WDR49: variants seen among roughly 807,000 people sequenced by gnomAD.
WDR49 encodes the protein cilia- and flagella-associated protein 337.
A neutral mutation model predicts 119.5 loss-of-function variants in WDR49; 107 were observed. The ratio of observed to expected loss-of-function variants is 0.90; its 90% CI spans 0.77 to 1.05. The LOEUF is 1.05. Among genes scored for constraint, WDR49 ranks in the 50% least tolerant of loss-of-function variants. The probability of loss-of-function intolerance (pLI) is 0.00; values close to 1 mark genes in which losing one functional copy is unlikely to be tolerated. For synonymous variants in WDR49, 425 were observed against 418.8 expected, an observed-to-expected ratio of 1.01 and a Z score of -0.18; for missense variants, 1,240 against 1,220.5, an observed-to-expected ratio of 1.02 and a Z score of -0.24.
At chr3:167,549,703 T>C (rs1712432693) in intron 10 of WDR49, among the ~76,000 whole-genome samples, 1 of 152,118 alleles carries the variant, frequency 6.6e-6, no homozygotes, top group African/African-American at 2.4e-5. Context: ...TTTAATTAGA[T>C]CCCATTTGTC....
intron 18 of WDR49, among the ~76,000 whole-genome samples, chr3:167,493,673 T>C (rs569614910): frequency 1.3e-5 from 2 of 152,322 alleles, no homozygotes; most frequent in Non-Finnish European, 2.9e-5. Context: ...TTTTCTATAA[T>C]ACGCATGTAT....
chr3:167,619,004 T>G (rs533488057), intron 5 of WDR49, among the ~76,000 whole-genome samples: 2 of 152,170 alleles, frequency 1.3e-5, no homozygotes, highest in East Asian at 1.9e-4. Context: ...AATATATAGA[T>G]ATAATGCATC....
chr3:167,484,530 G>T (rs1750849814), intron 18 of WDR49, among the ~76,000 whole-genome samples: 1 of 151,890 alleles, frequency 6.6e-6, no homozygotes, highest in Admixed American at 6.6e-5. Context: ...TTTTCTTCTT[G>T]AGTTAGTGCT....
intron 16 of WDR49, among the ~76,000 whole-genome samples, chr3:167,508,887 A>C (rs572038161): frequency 8.5e-5 from 13 of 152,190 alleles, no homozygotes; most frequent in Non-Finnish European, 1.8e-4. Context: ...ATAGCTATTT[A>C]TCTATTTTCT....
At chr3:167,545,501 A>ATTTT (rs1441792111) in intron 10 of WDR49, among the ~76,000 whole-genome samples, 3 of 129,462 alleles carry the variant, frequency 2.3e-5, no homozygotes, top group African/African-American at 8.5e-5. Context: ...TATATTATAT[A>ATTTT]TTATATATTA....
chr3:167,521,321 G>A (rs1400764959), intron 16 of WDR49, among the ~76,000 whole-genome samples: 1 of 152,090 alleles, frequency 6.6e-6, no homozygotes, highest in Non-Finnish European at 1.5e-5. Context: ...TCCCTCAGTG[G>A]GGTCATCAAA....
At chr3:167,574,152 C>G (rs769235890) in intron 8 of WDR49, among the ~76,000 whole-genome samples, 1 of 152,182 alleles carries the variant, frequency 6.6e-6, no homozygotes, top group Non-Finnish European at 1.5e-5. Flanking sequence ...GAGCACCTGT[C>G]CAACAATCAT....
At chr3:167,656,510 A>G (rs576324719), upstream of WDR49, among the ~76,000 whole-genome samples, 2 of 152,320 alleles carry the variant, frequency 1.3e-5, no homozygotes, top group South Asian at 4.1e-4. Context: ...AAAATTCTCT[A>G]ATTATTCTAA....
In WDR49 at chr3:167,512,017, C is replaced by G. The variant is rs76069071; in HGVS notation, c.2775-6601G>C. 7.2e-3 allele frequency among the ~76,000 whole-genome samples: 1,096 copies of G among 152,270 alleles called. 36 individuals carry two copies. Among genetic ancestry groups the G allele is most frequent in the East Asian group, 0.067 (345 of 5,178 alleles). On this transcript the variant is annotated intron_variant, in intron 16 of 18. Coordinates refer to ENST00000682715, the MANE Select transcript of WDR49 (RefSeq NM_001366157.1). ...ATGGTCTCTGGTTCAGTAGACTTAGCCTTTCCTTCTGCTGGCTCTGAGGAA... is the reference window on the plus strand; with the variant it reads ...ATGGTCTCTGGTTCAGTAGACTTAGGCTTTCCTTCTGCTGGCTCTGAGGAA...
At chr3:167,619,339 C>T (rs2108320262) in intron 5 of WDR49, among the ~76,000 whole-genome samples, 1 of 152,140 alleles carries the variant, frequency 6.6e-6, no homozygotes, top group African/African-American at 2.4e-5. Context: ...GTTATGAAAA[C>T]TTAACACATA....
intron 11 of WDR49, among the ~76,000 whole-genome samples, 166 bp downstream of exon 11, chr3:167,536,704 T>C (rs868039029): frequency 4.3e-3 from 270 of 62,466 alleles, no homozygotes; most frequent in African/African-American, 0.012. Context: ...TATATATATA[T>C]ACACACACAT....
In WDR49 at chr3:167,554,637, T is replaced by A; in HGVS notation, c.1823+13A>T. ...TTAGATTTTGATTAAAATAAAAACATTCTCCTTTTTACCTTCCTATAGTTT... is the reference window on the plus strand; with the variant it reads ...TTAGATTTTGATTAAAATAAAAACAATCTCCTTTTTACCTTCCTATAGTTT... On this transcript the variant is annotated intron_variant, in intron 10 of 18. Coordinates refer to ENST00000682715, the MANE Select transcript of WDR49 (RefSeq NM_001366157.1). 1 of 1,413,466 alleles carries A rather than the reference T, an allele frequency of 7.1e-7. No homozygotes were observed. Among genetic ancestry groups the A allele is most frequent in the Non-Finnish European group, 9.7e-7 (1 of 1,026,406 alleles). The allele number at this position is 1,413,466 out of a possible 1,614,324, so 87.6% of individuals were successfully genotyped here.
At chr3:167,560,784 T>TAAAAAAA (rs60448205) in intron 8 of WDR49, among the ~76,000 whole-genome samples, 1 of 135,680 alleles carries the variant, frequency 7.4e-6, no homozygotes, top group African/African-American at 2.7e-5. Context: ...GATAGATTAC[T>TAAAAAAA]AAAAAAAAAA....
intron 10 of WDR49, among the ~76,000 whole-genome samples, chr3:167,552,534 A>C (rs759308077): frequency 3.9e-5 from 6 of 152,040 alleles, no homozygotes; most frequent in Non-Finnish European, 7.4e-5. Flanking sequence ...TCTGGCAATT[A>C]ATTGAAGTTC....
chr3:167,631,572 A>T (rs1717374714), intron 2 of WDR49, among the ~76,000 whole-genome samples: 1 of 152,082 alleles, frequency 6.6e-6, no homozygotes, highest in South Asian at 2.1e-4. Context: ...ATTTCAAGCA[A>T]ATATTTAGCT....
chr3:167,562,772 A>T (rs1713344976), intron 8 of WDR49, among the ~76,000 whole-genome samples: 6 of 152,216 alleles, frequency 3.9e-5, no homozygotes, highest in Admixed American at 3.9e-4. Context: ...CATTAAGGGC[A>T]AGCACATTAC....
intron 10 of WDR49, among the ~76,000 whole-genome samples, chr3:167,537,250 A>G (rs1711519958): frequency 6.6e-6 from 1 of 152,168 alleles, no homozygotes; most frequent in Admixed American, 6.6e-5. Context: ...TTAACAACAA[A>G]CCATGTAACA....
chr3:167,645,179 T>A (rs1033434198), intron 2 of WDR49, among the ~76,000 whole-genome samples: 1 of 151,730 alleles, frequency 6.6e-6, no homozygotes, highest in African/African-American at 2.4e-5. Context: ...GAGAATAATG[T>A]TACTTTTATT....
chr3:167,573,391 TACAC>T (rs57955643), intron 8 of WDR49, among the ~76,000 whole-genome samples: 18,903 of 142,240 alleles, frequency 0.13, 1,332 homozygotes, highest in African/African-American at 0.19. Context: ...TTATGTGGAA[TACAC>T]ACACACACAC....
Sources: allele counts gnomAD v4.1 joint callset (sites outside exome capture counted in the v4.1 genomes callset), GRCh38; gene constraint gnomAD v4.1.1; transcripts MANE v1.5; gene names NCBI Gene and HGNC (gene_info 2026-07-23, HGNC 2026-07-21).